MYCBP2: variants seen among roughly 807,000 people sequenced by gnomAD.
The protein encoded by MYCBP2 is MYC binding protein 2.
A neutral mutation model predicts 525.3 loss-of-function variants in MYCBP2; 120 were observed. The observed-to-expected ratio is 0.23, with a 90% CI of 0.20 to 0.27. The LOEUF (loss-of-function observed/expected upper bound fraction) is 0.27, where lower values mean the gene tolerates loss of function less well. Among genes scored for constraint, MYCBP2 ranks in the 10% least tolerant of loss-of-function variants. The pLI, the probability that MYCBP2 is intolerant of heterozygous loss-of-function variation, is 1.00. For synonymous variants in MYCBP2, 1,894 were observed against 1,955.8 expected, an observed-to-expected ratio of 0.97 and a Z score of 0.83; for missense variants, 4,149 against 5,657.1, an observed-to-expected ratio of 0.73 and a Z score of 8.55.
intron 55 of MYCBP2, among the ~76,000 whole-genome samples, chr13:77,101,761 A>T (rs986162904): frequency 5.3e-5 from 8 of 151,838 alleles, no homozygotes; most frequent in African/African-American, 1.4e-4. Context: ...TTTATATATT[A>T]AAAAAAACTA....
intron 15 of MYCBP2, among the ~76,000 whole-genome samples, chr13:77,245,173 C>T (rs1381989537): frequency 6.6e-6 from 1 of 152,096 alleles, no homozygotes; most frequent in African/African-American, 2.4e-5. Context: ...TAAATTAGTT[C>T]AACCATTGTG....
chr13:77,130,082 TATCTC>T (rs1369090438), intron 52 of MYCBP2, among the ~76,000 whole-genome samples: 1 of 151,814 alleles, frequency 6.6e-6, no homozygotes, highest in African/African-American at 2.4e-5. Context: ...TTTTCGTAGT[TATCTC>T]ATGCTATCAA....
chr13:77,289,176 G>A (rs969888164), intron 2 of MYCBP2, among the ~76,000 whole-genome samples: 1 of 151,258 alleles, frequency 6.6e-6, no homozygotes, highest in Non-Finnish European at 1.5e-5. Context: ...CCAAATATTC[G>A]ACTCTTCTTC....
At chr13:77,111,869 T>C (rs1214041907) in intron 55 of MYCBP2, among the ~76,000 whole-genome samples, 1 of 152,144 alleles carries the variant, frequency 6.6e-6, no homozygotes, top group Admixed American at 6.6e-5. Flanking sequence ...CCTCCATTTA[T>C]TCACTGCACA....
intron 38 of MYCBP2, 108 bp from the exon 39 acceptor site, chr13:77,169,822 G>T: frequency 1.1e-6 from 1 of 905,048 alleles, no homozygotes; most frequent in Non-Finnish European, 1.7e-6. Context: ...CGAAACTATA[G>T]TTGACACCAA....
intron 66 of MYCBP2, 189 bp from the exon 67 acceptor site, chr13:77,077,576 T>C: frequency 1.6e-6 from 1 of 623,156 alleles, no homozygotes; most frequent in Non-Finnish European, 2.7e-6. Context: ...ATAGTAGCTA[T>C]TACACAGATG....
chr13:77,238,056 A>C (rs2068210682), intron 17 of MYCBP2, among the ~76,000 whole-genome samples: 1 of 152,034 alleles, frequency 6.6e-6, no homozygotes, highest in African/African-American at 2.4e-5. Flanking sequence ...ATCCTGGCTA[A>C]CAAAGTGAAA....
intron 3 of MYCBP2, among the ~76,000 whole-genome samples, chr13:77,281,423 A>G (rs1363779335): frequency 1.3e-5 from 2 of 152,042 alleles, no homozygotes; most frequent in Non-Finnish European, 2.9e-5. Context: ...GATATTTAAT[A>G]AAAATAATAA....
chr13:77,227,375 G>A (rs1409312327), intron 18 of MYCBP2, among the ~76,000 whole-genome samples: 11 of 143,404 alleles, frequency 7.7e-5, no homozygotes, highest in African/African-American at 2.8e-4. Flanking sequence ...ACAACATTTA[G>A]TTTCACTCCA....
At chr13:77,178,007 C>T in intron 34 of MYCBP2, 53 bp from the exon 35 acceptor site, 1 of 1,075,196 alleles carries the variant, frequency 9.3e-7, no homozygotes, top group Non-Finnish European at 1.4e-6. Flanking sequence ...TTAACAAAAC[C>T]ATCCAAAGGT....
chr13:77,087,652 A>C lies in MYCBP2; in HGVS notation c.10726-19T>G, dbSNP rs371720729. The C allele has an allele frequency of 6.2e-7, 1 of 1,603,098 alleles. No homozygotes were observed. Among genetic ancestry groups the C allele is most frequent in the Admixed American group, 1.7e-5 (1 of 58,402 alleles). On this transcript the variant is annotated intron_variant, in intron 61 of 82. Coordinates refer to ENST00000544440, the MANE Select transcript of MYCBP2 (RefSeq NM_015057.5). The stretch of plus-strand genomic sequence containing the variant: ...TGAAAGCCTGAAGAAATGACGGTTA[A>C]ATGAGTTCAAGAATAAAATACATGA...
intron 80 of MYCBP2, among the ~76,000 whole-genome samples, chr13:77,052,977 C>A (rs2037142691): frequency 6.6e-6 from 1 of 151,778 alleles, no homozygotes; most frequent in Non-Finnish European, 1.5e-5. Context: ...AAAATACAAA[C>A]AAACACAGAA....
Position 77,260,439 on chromosome 13 carries a change from G to C in MYCBP2, c.2006C>G (p.Ser669Cys), listed in dbSNP as rs769121776. ...TTTTATTAACTTACTTGAACTATCAGAGTAAATGGCATCTTTTCCAAACAT... is the reference window on the plus strand; with the variant it reads ...TTTTATTAACTTACTTGAACTATCACAGTAAATGGCATCTTTTCCAAACAT... Reference protein sequence around the residue: ...LYMFGKDAIYSDSSSLVTDLK... With the variant: ...LYMFGKDAIYCDSSSLVTDLK... The change falls in exon 13 of 83, where the codon TCT becomes TGT. Residue 669 changes from serine to cysteine, a missense_variant. Around this residue, in one of 21 missense-constraint regions of MYCBP2, gnomAD observed 262 missense variants for 419.3 expected, o/e 0.62. Transcript: ENST00000544440. 4 of 1,588,176 alleles carry C rather than the reference G, an allele frequency of 2.5e-6. No homozygotes were observed. Among genetic ancestry groups the C allele is most frequent in the Non-Finnish European group, 3.4e-6 (4 of 1,172,254 alleles).
intron 38 of MYCBP2, among the ~76,000 whole-genome samples, chr13:77,171,149 G>T (rs755290111): frequency 1.4e-4 from 22 of 152,014 alleles, no homozygotes; most frequent in Non-Finnish European, 2.9e-4. Context: ...CAGAGTTTTG[G>T]GTGGATAGCG....
At chr13:77,139,159 G>T (rs1386002044) in intron 52 of MYCBP2, 37 bp downstream of exon 52, 1 of 1,592,308 alleles carries the variant, frequency 6.3e-7, no homozygotes, top group East Asian at 2.2e-5. Context: ...CAAACAGCGT[G>T]TATCTATAAT....
chr13:77,219,648 T>C (rs1318158217), intron 20 of MYCBP2, among the ~76,000 whole-genome samples: 1 of 151,442 alleles, frequency 6.6e-6, no homozygotes, highest in Non-Finnish European at 1.5e-5. Context: ...AGCAGAGAAG[T>C]GGTATGGATG....
chr13:77,209,174 C>T (rs1457114706), intron 23 of MYCBP2, among the ~76,000 whole-genome samples: 2 of 152,152 alleles, frequency 1.3e-5, no homozygotes, highest in African/African-American at 4.8e-5. Context: ...GCTGGCAGGG[C>T]ATTTGAGATC....
chr13:77,086,906 C>T (rs903418641), intron 62 of MYCBP2, among the ~76,000 whole-genome samples: 1 of 151,982 alleles, frequency 6.6e-6, no homozygotes, highest in Non-Finnish European at 1.5e-5. Flanking sequence ...TCAAATTCAT[C>T]ACTTCATATT....
chr13:77,205,436 T>C (rs764759572), intron 25 of MYCBP2, 37 bp downstream of exon 25: 4 of 1,612,226 alleles, frequency 2.5e-6, no homozygotes, highest in East Asian at 2.2e-5. Flanking sequence ...TATATTTCAG[T>C]TGTAAGACAA....
Sources: gnomAD v4.1 joint callset for allele counts (sites outside exome capture counted in the v4.1 genomes callset) on GRCh38, gnomAD v4.1.1 for gene constraint, gnomAD v4.1.1 regional missense constraint, MANE v1.5 for transcripts, NCBI Gene and HGNC (gene_info 2026-07-23, HGNC 2026-07-21) for gene names.